The following RAB3D variants were observed in gnomAD, a reference collection of about 807,000 sequenced individuals.
RAB3D encodes RAB3D, member RAS oncogene family.
Under a neutral mutation model 19.3 loss-of-function variants are expected in RAB3D, and 17 were observed. That is an observed-to-expected ratio of 0.88 (90% CI 0.60 to 1.32). The LOEUF (loss-of-function observed/expected upper bound fraction) is 1.32, where lower values mean the gene tolerates loss of function less well. Among genes scored for constraint, RAB3D ranks in the 40% most tolerant of loss-of-function variants. The pLI, the probability that RAB3D is intolerant of heterozygous loss-of-function variation, is 0.00. For missense variants in RAB3D, 223 were observed against 299.1 expected (o/e 0.75, Z 1.88); for synonymous variants, 103 against 119.9 (o/e 0.86, Z 0.92).
At chr19:11,330,706 C>T (rs968728042) in intron 4 of RAB3D, among the ~76,000 whole-genome samples, 2 of 152,190 alleles carry the variant, frequency 1.3e-5, no homozygotes, top group African/African-American at 2.4e-5. Context: ...TGTACCACCA[C>T]ACCCGGCTAA....
chr19:11,337,182 A>C lies in RAB3D; in HGVS notation c.218T>G (p.Leu73Arg). 1 of 1,613,582 alleles carries C rather than the reference A, an allele frequency of 6.2e-7. No individual in the cohort carries two copies. ...AGCCTCCCAGCCTACCCAGATCTGCAGCTTGATCCTCTTGTCATGGCGGTA... is the reference window on the plus strand; with the variant it reads ...AGCCTCCCAGCCTACCCAGATCTGCCGCTTGATCCTCTTGTCATGGCGGTA... ...TVYRHDKRIK[L>R]QIWDTAGQER... Residue 73 changes from leucine (L) to arginine (R), a missense_variant, in exon 2 of 5, where the codon CTG (leucine) becomes CGG (arginine). Coordinates refer to ENST00000222120, the MANE Select transcript of RAB3D (RefSeq NM_004283.4).
At chr19:11,334,346 G>A (rs754613285) in intron 4 of RAB3D, among the ~76,000 whole-genome samples, 41 of 152,122 alleles carry the variant, frequency 2.7e-4, no homozygotes, top group Non-Finnish European at 3.5e-4. Context: ...GCGCACACCT[G>A]TAATCCTGGA....
intron 1 of RAB3D, among the ~76,000 whole-genome samples, chr19:11,338,358 C>T (rs1472693892): frequency 1.3e-5 from 2 of 152,198 alleles, no homozygotes; most frequent in Admixed American, 6.5e-5. Context: ...CCAGCGTGTG[C>T]AGCCGGTGTG....
chr19:11,338,420 G>A (rs960813585), intron 1 of RAB3D, among the ~76,000 whole-genome samples: 2 of 152,168 alleles, frequency 1.3e-5, no homozygotes, highest in African/African-American at 4.8e-5. Flanking sequence ...AGCTGGATAA[G>A]CTGGATAGAG....
rs1326352385 is a variant in RAB3D, at chr19:11,337,492, C to A, written c.-61-32G>T. On this transcript the variant is annotated intron_variant, in intron 1 of 4. Transcript: ENST00000222120. Reference sequence around the variant, plus strand: ...GGGAATCAAACATCAAGAACAGCTCCTGTGAATGCACCAGGCCTGGATTCA... The same window carrying A: ...GGGAATCAAACATCAAGAACAGCTCATGTGAATGCACCAGGCCTGGATTCA... 1.2e-5 allele frequency: 12 copies of A among 979,964 alleles called. No individual in the cohort carries two copies. The South Asian group carries it at 1.7e-4, about 14-fold the overall frequency. The allele number at this position is 979,964 out of a possible 1,614,324, so 60.7% of individuals were successfully genotyped here.
In RAB3D at chr19:11,325,077, C is replaced by A; in HGVS notation, c.*321G>T. ...CTAGAAGGCACCACGGATGCCCCTC[C>A]ATCAGAAAGAGTGGGACGTGTCACC... On this transcript the variant is annotated 3_prime_UTR_variant, in exon 5 of 5. Coordinates refer to ENST00000222120, the MANE Select transcript of RAB3D (RefSeq NM_004283.4). 4.0e-6 allele frequency: 1 copy of A among 251,392 alleles called. No homozygotes were observed. Among genetic ancestry groups the A allele is most frequent in the South Asian group, 6.1e-5 (1 of 16,500 alleles). The allele number at this position is 251,392 out of a possible 1,614,324, so 15.6% of individuals were successfully genotyped here.
chr19:11,337,135 A>T, intron 2 of RAB3D, 37 bp downstream of exon 2: 1 of 1,557,886 alleles, frequency 6.4e-7, no homozygotes, highest in Non-Finnish European at 8.8e-7. Flanking sequence ...TCCTGGAGGG[A>T]CCCCACCCCC....
intron 2 of RAB3D, 76 bp downstream of exon 2, chr19:11,337,093 CAAA>C (rs893185437): frequency 1.6e-4 from 163 of 1,032,870 alleles, no homozygotes; most frequent in Middle Eastern, 7.0e-4. Flanking sequence ...GACTCCGTCT[CAAA>C]AAAAAAAAAA....
At position 11,323,036 on chromosome 19, in the gene RAB3D, C is replaced by T. The variant is rs369405103; in HGVS notation, c.*2362G>A. The T allele has an allele frequency of 2.0e-5, 3 of 150,674 alleles. No individual in the cohort carries two copies. The highest frequency in any genetic ancestry group is 1.3e-4 in the Admixed American group (2 of 15,100). 9.3% of individuals were successfully genotyped at this position (150,674 alleles called of 1,614,324 possible). On this transcript the variant is annotated 3_prime_UTR_variant, in exon 5 of 5. Transcript: ENST00000222120. ...CTGAGACAGGAGAATCGCTTGAACC[C>T]GGGAGGTGGAGGTTGCAGTGAGCTG...
At chr19:11,326,326 A>C (rs751420643) in intron 4 of RAB3D, among the ~76,000 whole-genome samples, 1 of 152,058 alleles carries the variant, frequency 6.6e-6, no homozygotes, top group Non-Finnish European at 1.5e-5. Flanking sequence ...GGCAGCAGTG[A>C]GCCATGATCA....
chr19:11,335,678 C>A lies in RAB3D; in HGVS notation c.334G>T (p.Ala112Ser). ...GCAAGCACTCACCAGTCCTGCACAGCGGCAAAGGATTCCTGATTGGCGATG... is the reference window on the plus strand; with the variant it reads ...GCAAGCACTCACCAGTCCTGCACAGAGGCAAAGGATTCCTGATTGGCGATG... ...YDIANQESFA[A>S]VQDWATQIKT... The change falls in exon 3 of 5, where the codon GCT (alanine) becomes TCT (serine). Residue 112 changes from alanine to serine, a missense_variant. Coordinates refer to ENST00000222120, the MANE Select transcript of RAB3D (RefSeq NM_004283.4). 1 of 1,614,084 alleles carries A rather than the reference C, an allele frequency of 6.2e-7. No individual in the cohort carries two copies. Among genetic ancestry groups the A allele is most frequent in the South Asian group, 1.1e-5 (1 of 91,076 alleles).
chr19:11,337,952 C>A (rs1425720829), intron 1 of RAB3D, among the ~76,000 whole-genome samples: 1 of 152,156 alleles, frequency 6.6e-6, no homozygotes, highest in Non-Finnish European at 1.5e-5. Context: ...GGATTACAGG[C>A]ATGAGCCACC....
In RAB3D at chr19:11,337,189, T is replaced by A. The variant is rs772301079; in HGVS notation, c.211A>T (p.Ile71Phe). Residue 71 changes from isoleucine to phenylalanine, a missense_variant, in exon 2 of 5, where the codon ATC becomes TTC. Ile to Phe is a conservative substitution (Grantham distance 21). Transcript: ENST00000222120. The stretch of plus-strand genomic sequence containing the variant: ...CAGCCTACCCAGATCTGCAGCTTGA[T>A]CCTCTTGTCATGGCGGTAGACGGTC... ...VKTVYRHDKR[I>F]KLQIWDTAGQ... 1.2e-6 allele frequency: 2 copies of A among 1,613,666 alleles called. No individual in the cohort carries two copies. The highest frequency in any genetic ancestry group is 2.7e-5 in the African/African-American group (2 of 74,794).
chr19:11,325,175 A>G lies in RAB3D; in HGVS notation c.*223T>C, dbSNP rs2080804321. ...CAGTGTCCCTGGGCCTCTGCCTGCC[A>G]TGCAGAGCTGAGTCCCCATGGTCCG... On this transcript the variant is annotated 3_prime_UTR_variant, in exon 5 of 5. Transcript: ENST00000222120. The G allele has an allele frequency of 2.0e-6, 1 of 504,896 alleles. No homozygotes were observed. Among genetic ancestry groups the G allele is most frequent in the African/African-American group, 1.9e-5 (1 of 51,896 alleles). 31.3% of individuals were successfully genotyped at this position (504,896 alleles called of 1,614,324 possible). A position where few individuals can be genotyped will look rare whatever the true frequency, so the allele number is the denominator to read the frequency against.
rs762852490 is a variant in RAB3D, at chr19:11,337,228, C to T, written c.172G>A (p.Asp58Asn). The T allele has an allele frequency of 6.2e-6, 10 of 1,613,988 alleles. No homozygotes were observed. Among genetic ancestry groups the T allele is most frequent in the Admixed American group, 1.7e-5 (1 of 59,970 alleles). Reference protein sequence around the residue: ...TPAFVSTVGIDFKVKTVYRHD... With the variant: ...TPAFVSTVGINFKVKTVYRHD... ...CGGTAGACGGTCTTGACCTTGAAAT[C>T]GATGCCCACAGTACTGACGAAGGCG... The change falls in exon 2 of 5, where the codon GAT becomes AAT. Residue 58 changes from aspartate (D) to asparagine (N), a missense_variant. Physicochemically the swap from Asp to Asn is conservative, Grantham distance 23. Transcript: ENST00000222120.
intron 4 of RAB3D, among the ~76,000 whole-genome samples, chr19:11,334,406 T>G (rs1340737183): frequency 5.9e-5 from 9 of 151,874 alleles, no homozygotes; most frequent in African/African-American, 2.2e-4. Flanking sequence ...GAGGTAGAGG[T>G]TGCAGTGAGC....
In RAB3D at chr19:11,322,354, G is replaced by GA. The variant is rs111894199; in HGVS notation, c.*3043dup. 2,415 of 138,770 alleles carry GA rather than the reference G, an allele frequency of 0.017. 62 individuals carry two copies. The highest frequency in any genetic ancestry group is 0.057 in the African/African-American group (2,199 of 38,444). The allele number at this position is 138,770 out of a possible 1,614,324, so 8.6% of individuals were successfully genotyped here. ...CCCCCAGTCCCCCGAAAAAGAAGAA[G>GA]AAAAAAAAAAAGCAGAACTCCAAAC... On this transcript the variant is annotated 3_prime_UTR_variant, in exon 5 of 5. Coordinates refer to ENST00000222120, the MANE Select transcript of RAB3D (RefSeq NM_004283.4).
intron 4 of RAB3D, chr19:11,326,987 C>T (rs2080817346): frequency 2.1e-6 from 1 of 481,916 alleles, no homozygotes; most frequent in African/African-American, 2.0e-5. Context: ...CCACCTGCCA[C>T]ATCACCAAGG....
chr19:11,334,163 C>A (rs1326066310), intron 4 of RAB3D, among the ~76,000 whole-genome samples: 1 of 152,106 alleles, frequency 6.6e-6, no homozygotes, highest in African/African-American at 2.4e-5. Flanking sequence ...AGAAAGCAGT[C>A]GTATCCACTA....
Sources: allele counts gnomAD v4.1 joint callset (sites outside exome capture counted in the v4.1 genomes callset), GRCh38; gene constraint gnomAD v4.1.1; transcripts MANE v1.5; gene names NCBI Gene and HGNC (gene_info 2026-07-23, HGNC 2026-07-21).